Variants in NDST3 observed in about 807,000 individuals in gnomAD.
NDST3 encodes the protein bifunctional heparan sulfate N-deacetylase/N-sulfotransferase 3.
In NDST3, 58 loss-of-function variants were observed where a neutral mutation model predicts 96.1. That is an observed-to-expected ratio of 0.60 (90% confidence interval 0.49 to 0.75). The LOEUF (loss-of-function observed/expected upper bound fraction) is 0.75, where lower values mean the gene tolerates loss of function less well. Ranked by LOEUF, NDST3 falls within the 30% of genes least tolerant of loss-of-function variation. The pLI is 0.00. For missense variants in NDST3, 788 were observed against 1,034.2 expected (o/e 0.76, Z 3.27); for synonymous variants, 333 against 359.7 (o/e 0.93, Z 0.84).
At chr4:118,150,764 T>C (rs931545330) in intron 6 of NDST3, among the ~76,000 whole-genome samples, 2 of 151,420 alleles carry the variant, frequency 1.3e-5, no homozygotes, top group South Asian at 2.1e-4. Flanking sequence ...TGTGGAGAAA[T>C]AGGAACACTT....
chr4:118,034,458 T>G (rs1000562087), upstream of NDST3: 1 of 152,150 alleles, frequency 6.6e-6, no homozygotes, highest in Non-Finnish European at 1.5e-5. Context: ...ATGAGAGTAC[T>G]GGGCCAGGAC....
intron 6 of NDST3, among the ~76,000 whole-genome samples, chr4:118,220,501 A>G (rs1274468347): frequency 6.6e-6 from 1 of 151,972 alleles, no homozygotes; most frequent in African/African-American, 2.4e-5. Context: ...GCTAATGTAT[A>G]TGGGGCTTAA....
intron 2 of NDST3, among the ~76,000 whole-genome samples, chr4:118,058,292 G>A (rs954836131): frequency 1.3e-5 from 2 of 151,624 alleles, no homozygotes; most frequent in African/African-American, 4.8e-5. Context: ...TATTTAATGG[G>A]AAGATTTGAA....
intron 6 of NDST3, among the ~76,000 whole-genome samples, chr4:118,171,960 G>C (rs1735982180): frequency 6.6e-6 from 1 of 152,126 alleles, no homozygotes; most frequent in Non-Finnish European, 1.5e-5. Flanking sequence ...TTGTCTTGCT[G>C]ATTCTACTCT....
At chr4:118,239,112 A>T (rs370023042) in intron 10 of NDST3, among the ~76,000 whole-genome samples, 3 of 152,336 alleles carry the variant, frequency 2.0e-5, no homozygotes, top group African/African-American at 7.2e-5. Context: ...TCCCTGTGTT[A>T]AAGTGACCCA....
intron 2 of NDST3, chr4:118,055,339 T>C (rs1725350427): frequency 1.5e-5 from 3 of 199,914 alleles, no homozygotes; most frequent in Non-Finnish European, 2.1e-5. Context: ...GGAAGTCAAA[T>C]ATGCAGTGCA....
intron 6 of NDST3, among the ~76,000 whole-genome samples, chr4:118,205,949 C>T (rs1363495798): frequency 2.1e-5 from 3 of 142,024 alleles, no homozygotes; most frequent in Non-Finnish European, 4.7e-5. Context: ...TCTCCTGCCT[C>T]AGCCTCCCGA....
chr4:118,035,722 A>G (rs1207463555), intron 1 of NDST3, among the ~76,000 whole-genome samples: 2 of 151,962 alleles, frequency 1.3e-5, no homozygotes, highest in African/African-American at 4.8e-5. Context: ...TGGTTAACAC[A>G]GTATCTACCA....
At chr4:118,159,385 T>A (rs1432083825) in intron 6 of NDST3, among the ~76,000 whole-genome samples, 1 of 152,206 alleles carries the variant, frequency 6.6e-6, no homozygotes, top group African/African-American at 2.4e-5. Context: ...CTATTGCAGA[T>A]GTATCCACAG....
intron 3 of NDST3, among the ~76,000 whole-genome samples, chr4:118,113,546 T>C (rs1730817079): frequency 6.6e-6 from 1 of 152,212 alleles, no homozygotes; most frequent in Admixed American, 6.5e-5. Flanking sequence ...AGGTTTTCAA[T>C]GCCCACCAAA....
intron 6 of NDST3, among the ~76,000 whole-genome samples, chr4:118,200,008 C>G (rs1737961479): frequency 6.6e-6 from 1 of 152,206 alleles, no homozygotes; most frequent in Admixed American, 6.5e-5. Context: ...CAGCAGAGCA[C>G]TGGGTCTTGC....
chr4:118,170,114 A>G (rs577857916), intron 6 of NDST3, among the ~76,000 whole-genome samples: 5 of 152,320 alleles, frequency 3.3e-5, no homozygotes, highest in African/African-American at 1.2e-4. Context: ...CCACATTCAA[A>G]CACAGAATAA....
intron 4 of NDST3, among the ~76,000 whole-genome samples, chr4:118,130,002 T>C (rs1732474245): frequency 6.6e-6 from 1 of 152,106 alleles, no homozygotes; most frequent in Non-Finnish European, 1.5e-5. Flanking sequence ...TAAGGATAAC[T>C]ACTCCTGTTC....
At chr4:118,085,565 T>G (rs1335403225) in intron 2 of NDST3, among the ~76,000 whole-genome samples, 2 of 152,188 alleles carry the variant, frequency 1.3e-5, no homozygotes, top group African/African-American at 4.8e-5. Context: ...CTGCAACCTT[T>G]TGTTGATAAC....
intron 2 of NDST3, among the ~76,000 whole-genome samples, chr4:118,098,060 T>C (rs565620045): frequency 6.6e-6 from 1 of 151,778 alleles, no homozygotes; most frequent in South Asian, 2.1e-4. Flanking sequence ...TTTTTTTAAG[T>C]ATTTAGCATT....
chr4:118,067,337 T>G, intron 2 of NDST3, among the ~76,000 whole-genome samples: 1 of 152,104 alleles, frequency 6.6e-6, no homozygotes, highest in East Asian at 1.9e-4. Flanking sequence ...TAATCTGCTC[T>G]AGAAATGCAA....
chr4:118,069,542 C>T (rs1053901522), intron 2 of NDST3, among the ~76,000 whole-genome samples: 7 of 151,838 alleles, frequency 4.6e-5, no homozygotes, highest in African/African-American at 1.2e-4. Context: ...AAACAATCCA[C>T]GCACTTTGTA....
At chr4:118,097,823 A>G (rs763678473) in intron 2 of NDST3, among the ~76,000 whole-genome samples, 6 of 151,952 alleles carry the variant, frequency 3.9e-5, no homozygotes, top group Admixed American at 1.3e-4. Context: ...TTATGAGTTT[A>G]TTGCCTTACT....
At chr4:118,241,403 G>A (rs887604817) in intron 11 of NDST3, among the ~76,000 whole-genome samples, 1 of 152,196 alleles carries the variant, frequency 6.6e-6, no homozygotes, top group Non-Finnish European at 1.5e-5. Context: ...AGAAATATCA[G>A]AGAAGAGGTA....
Sources: gnomAD v4.1 joint callset for allele counts (sites outside exome capture counted in the v4.1 genomes callset) on GRCh38, gnomAD v4.1.1 for gene constraint, MANE v1.5 for transcripts, NCBI Gene and HGNC (gene_info 2026-07-23, HGNC 2026-07-21) for gene names.